The following HNF4A variants were observed in gnomAD, a reference collection of about 807,000 sequenced individuals.
HNF4A encodes hepatocyte nuclear factor 4-alpha.
In HNF4A, 15 loss-of-function variants were observed where a neutral mutation model predicts 52.4. The observed-to-expected ratio is 0.29, with a 90% CI of 0.19 to 0.44. The LOEUF (loss-of-function observed/expected upper bound fraction) is 0.44. Ranked by LOEUF, HNF4A falls within the 20% of genes least tolerant of loss-of-function variation. The pLI is 1.00. For missense variants in HNF4A, 479 were observed against 647.2 expected (o/e 0.74, Z 2.82); for synonymous variants, 280 against 264.4 (o/e 1.06, Z -0.57).
chr20:44,416,647 A>G (rs1361770361), intron 5 of HNF4A, among the ~76,000 whole-genome samples: 1 of 152,256 alleles, frequency 6.6e-6, no homozygotes, highest in African/African-American at 2.4e-5. Flanking sequence ...AGAAGGGGCA[A>G]GGACAAGTGG....
At chr20:44,412,091 C>T (rs2063592654) in intron 3 of HNF4A, among the ~76,000 whole-genome samples, 1 of 152,046 alleles carries the variant, frequency 6.6e-6, no homozygotes, top group South Asian at 2.1e-4. Context: ...GAGCTTGTCT[C>T]TTCCAATGCC....
intron 1 of HNF4A, chr20:44,390,488 C>A (rs2063288634): frequency 4.9e-6 from 3 of 610,678 alleles, no homozygotes; most frequent in Non-Finnish European, 8.9e-6. Flanking sequence ...CCGCCTCCCA[C>A]CATCCCTGAA....
At chr20:44,418,087 C>A (rs776048706) in intron 5 of HNF4A, among the ~76,000 whole-genome samples, 2 of 151,968 alleles carry the variant, frequency 1.3e-5, no homozygotes, top group Admixed American at 6.6e-5. Context: ...GGATCATAGA[C>A]CTTTTTGAGA....
intron 1 of HNF4A, chr20:44,377,777 T>G (rs184268558): frequency 5.9e-5 from 9 of 152,270 alleles, no homozygotes; most frequent in African/African-American, 2.2e-4. Flanking sequence ...TCTGTTTTGT[T>G]TATTTGTTTG....
intron 1 of HNF4A, among the ~76,000 whole-genome samples, chr20:44,367,209 C>CCTGT (rs1332572978): frequency 6.6e-6 from 1 of 152,046 alleles, no homozygotes; most frequent in African/African-American, 2.4e-5. Context: ...GTGGTGCTTG[C>CCTGT]CTGTAATCCC....
chr20:44,385,721 G>A lies in HNF4A; in HGVS notation c.50-20337G>A, dbSNP rs185279889. Among the ~76,000 whole-genome samples, 679 of 151,760 alleles carry A rather than the reference G, an allele frequency of 4.5e-3. 3 individuals carry two copies. Among genetic ancestry groups the A allele is most frequent in the African/African-American group, 0.015 (636 of 41,408 alleles). On this transcript the variant is annotated intron_variant, in intron 1 of 9. Coordinates refer to the HNF4A transcript ENST00000316673. Reference sequence around the variant, plus strand: ...TAGTCTCCAGTGATCCACCTGCCTTGGCCTCCCAAAGTGTTGGGATTACAG... The same window carrying A: ...TAGTCTCCAGTGATCCACCTGCCTTAGCCTCCCAAAGTGTTGGGATTACAG...
intron 1 of HNF4A, among the ~76,000 whole-genome samples, chr20:44,372,083 G>C (rs527900301): frequency 6.6e-6 from 1 of 152,236 alleles, no homozygotes; most frequent in African/African-American, 2.4e-5. Context: ...ATTTATTTCA[G>C]TTACTTCTCT....
In HNF4A at chr20:44,413,170, G is replaced by A. The variant is rs7275072; in HGVS notation, c.386-524G>A. ...CAGCAGTGGGAGGGAGGGAGACAGCGCCTGGCCTTGCTGATGCTGAGGTTA... is the reference window on the plus strand; with the variant it reads ...CAGCAGTGGGAGGGAGGGAGACAGCACCTGGCCTTGCTGATGCTGAGGTTA... On this transcript the variant is annotated intron_variant, in intron 3 of 9. Coordinates refer to ENST00000316099, the MANE Select transcript of HNF4A (RefSeq NM_000457.6). 6.0e-3 allele frequency among the ~76,000 whole-genome samples: 916 copies of A among 152,312 alleles called. 4 individuals carry two copies. Among genetic ancestry groups the A allele is most frequent in the African/African-American group, 0.019 (782 of 41,558 alleles).
chr20:44,368,943 G>C (rs1281121141), intron 1 of HNF4A, among the ~76,000 whole-genome samples: 1 of 152,024 alleles, frequency 6.6e-6, no homozygotes, highest in Non-Finnish European at 1.5e-5. Flanking sequence ...GTATAACCAT[G>C]ATGTTTAGAA....
chr20:44,375,568 A>G (rs2146222333), intron 1 of HNF4A, among the ~76,000 whole-genome samples: 1 of 151,882 alleles, frequency 6.6e-6, no homozygotes, highest in East Asian at 1.9e-4. Flanking sequence ...AGACCCCAAG[A>G]GGAAAGGTGA....
intron 1 of HNF4A, among the ~76,000 whole-genome samples, chr20:44,359,832 G>A (rs2062898506): frequency 6.6e-6 from 1 of 152,182 alleles, no homozygotes; most frequent in African/African-American, 2.4e-5. Flanking sequence ...CCACAATGGA[G>A]TAGAGTAGAC....
chr20:44,427,566 AC>A, intron 8 of HNF4A, among the ~76,000 whole-genome samples: 1 of 152,220 alleles, frequency 6.6e-6, no homozygotes, highest in Non-Finnish European at 1.5e-5. Context: ...CTATTATTAA[AC>A]CATATCCCAT....
chr20:44,370,164 A>C (rs1568692189), intron 1 of HNF4A, among the ~76,000 whole-genome samples: 1 of 152,102 alleles, frequency 6.6e-6, no homozygotes, highest in African/African-American at 2.4e-5. Flanking sequence ...AGTAGCTGGG[A>C]CTACAGGCGC....
intron 3 of HNF4A, among the ~76,000 whole-genome samples, chr20:44,409,297 C>T (rs953430970): frequency 3.9e-5 from 6 of 152,218 alleles, no homozygotes; most frequent in Non-Finnish European, 8.8e-5. Context: ...CTTCAACTTC[C>T]ATTTTGTGGA....
At chr20:44,357,587 C>T (rs929544347) in intron 1 of HNF4A, among the ~76,000 whole-genome samples, 6 of 152,146 alleles carry the variant, frequency 3.9e-5, no homozygotes, top group East Asian at 1.9e-4. Flanking sequence ...CTGTCTCCCA[C>T]GTCTCTGCAC....
intron 1 of HNF4A, among the ~76,000 whole-genome samples, chr20:44,388,381 A>T (rs6017337): frequency 5.2e-5 from 4 of 76,230 alleles, no homozygotes; most frequent in African/African-American, 2.9e-4. Context: ...GACCCCCCCC[A>T]CCCCCGTACA....
At chr20:44,424,545 A>G in intron 8 of HNF4A, 1 of 1,109,416 alleles carries the variant, frequency 9.0e-7, no homozygotes, top group African/African-American at 1.6e-5. Context: ...GTGAGTATGT[A>G]TGGATGCGTG....
intron 8 of HNF4A, among the ~76,000 whole-genome samples, chr20:44,427,797 G>T (rs929534621): frequency 2.0e-5 from 3 of 152,332 alleles, no homozygotes; most frequent in South Asian, 2.1e-4. Context: ...TATGAGCTGG[G>T]ATTTGGGCTT....
upstream of HNF4A, among the ~76,000 whole-genome samples, chr20:44,399,790 C>T (rs2063386132): frequency 6.6e-6 from 1 of 152,178 alleles, no homozygotes; most frequent in South Asian, 2.1e-4. Context: ...GTCTCTAATT[C>T]ACTCACTCCT....
Sources: gnomAD v4.1 joint callset for allele counts (sites outside exome capture counted in the v4.1 genomes callset) on GRCh38, gnomAD v4.1.1 for gene constraint, MANE v1.5 for transcripts, NCBI Gene and HGNC (gene_info 2026-07-23, HGNC 2026-07-21) for gene names.